CELF4: variants seen among roughly 807,000 people sequenced by gnomAD.
The protein encoded by CELF4 is CUG-BP- and ETR-3-like factor 4.
Under a neutral mutation model 59.9 loss-of-function variants are expected in CELF4, and 18 were observed. The ratio of observed to expected loss-of-function variants is 0.30; its 90% CI spans 0.21 to 0.45. The LOEUF (loss-of-function observed/expected upper bound fraction) is 0.45, where lower values mean the gene tolerates loss of function less well. Ranked by LOEUF, CELF4 falls within the 20% of genes least tolerant of loss-of-function variation. CELF4 has a pLI of 1.00. For synonymous variants in CELF4, 261 were observed against 267.1 expected (o/e 0.98, Z 0.22); for missense variants, 456 against 689.0 (o/e 0.66, Z 3.79).
At position 37,410,083 on chromosome 18, in the gene CELF4, C is replaced by T. The variant is rs1477813623; in HGVS notation, c.369+75442G>A. ...AGGTGTTGACTGGACTGAGCGGCTGCCACTCCCCGTGCCGATGTGTGTGAG... is the reference window on the plus strand; with the variant it reads ...AGGTGTTGACTGGACTGAGCGGCTGTCACTCCCCGTGCCGATGTGTGTGAG... On this transcript the variant is annotated intron_variant, in intron 2 of 12. Coordinates refer to ENST00000420428, the MANE Select transcript of CELF4 (RefSeq NM_020180.4). 2.0e-5 allele frequency among the ~76,000 whole-genome samples: 3 copies of T among 152,114 alleles called. No individual in the cohort carries two copies. The East Asian group carries it at 5.8e-4, about 29-fold the overall frequency.
At chr18:37,274,213 G>A in intron 6 of CELF4, 98 bp downstream of exon 6, 1 of 1,548,310 alleles carries the variant, frequency 6.5e-7, no homozygotes, top group Non-Finnish European at 8.7e-7. Context: ...GAGGGAGAGG[G>A]CAAGGGATAG....
intron 2 of CELF4, among the ~76,000 whole-genome samples, chr18:37,452,960 C>A (rs1252135555): frequency 6.6e-6 from 1 of 152,182 alleles, no homozygotes; most frequent in Non-Finnish European, 1.5e-5. Flanking sequence ...ATGCAAAAGT[C>A]TCCTCCAGCC....
In CELF4 at chr18:37,337,288, G is replaced by A. The variant is rs670216; in HGVS notation, c.370-15407C>T. On this transcript the variant is annotated intron_variant, in intron 2 of 12. Transcript: ENST00000420428. ...CTGGCGAGACCCACTGCCTCCCATG[G>A]TGAGCCTCACACCCTCCCCTTGAGA... 5.6e-3 allele frequency among the ~76,000 whole-genome samples: 847 copies of A among 152,248 alleles called. 6 individuals carry two copies. Among genetic ancestry groups the A allele is most frequent in the African/African-American group, 0.019 (779 of 41,550 alleles).
intron 1 of CELF4, 167 bp from the exon 2 acceptor site, chr18:37,485,774 T>C (rs1238452632): frequency 2.5e-6 from 1 of 392,720 alleles, no homozygotes; most frequent in Non-Finnish European, 4.5e-6. Flanking sequence ...TGCCTCTCGG[T>C]GTTCCCGGCT....
At chr18:37,302,746 G>A (rs1441732130) in intron 3 of CELF4, among the ~76,000 whole-genome samples, 1 of 152,228 alleles carries the variant, frequency 6.6e-6, no homozygotes, top group Non-Finnish European at 1.5e-5. Context: ...TGTTCTGAAA[G>A]TCAGACTTTC....
At position 37,557,531 on chromosome 18, in the gene CELF4, G is replaced by A. The variant is rs1424817606; in HGVS notation, c.286+7825C>T. 2.6e-5 allele frequency among the ~76,000 whole-genome samples: 4 copies of A among 152,182 alleles called. No homozygotes were observed. The East Asian group carries it at 7.7e-4, about 29-fold the overall frequency. On this transcript the variant is annotated intron_variant, in intron 1 of 12. Coordinates refer to ENST00000420428, the MANE Select transcript of CELF4 (RefSeq NM_020180.4). Reference sequence around the variant, plus strand: ...CAGCTGTGGAATAGTCTAATACATCGGGGCTTTGTTCAAAAGATGTGTTAA... The same window carrying A: ...CAGCTGTGGAATAGTCTAATACATCAGGGCTTTGTTCAAAAGATGTGTTAA...
intron 1 of CELF4, among the ~76,000 whole-genome samples, chr18:37,502,267 G>A (rs898300999): frequency 1.3e-5 from 2 of 152,084 alleles, no homozygotes; most frequent in African/African-American, 2.4e-5. Flanking sequence ...CCATGAAATC[G>A]GTGCTGAAGC....
chr18:37,328,458 C>T (rs1406464511), intron 2 of CELF4, among the ~76,000 whole-genome samples: 4 of 152,256 alleles, frequency 2.6e-5, no homozygotes, highest in South Asian at 2.1e-4. Flanking sequence ...CCTTTTGGGA[C>T]GTGTTGGAGC....
chr18:37,453,093 C>G (rs1262744242), intron 2 of CELF4, among the ~76,000 whole-genome samples: 1 of 152,270 alleles, frequency 6.6e-6, no homozygotes, highest in Non-Finnish European at 1.5e-5. Flanking sequence ...TGGCCTCTGC[C>G]TTGCTTCCGG....
chr18:37,298,178 C>T (rs1441676177), intron 3 of CELF4, among the ~76,000 whole-genome samples: 3 of 152,158 alleles, frequency 2.0e-5, no homozygotes, highest in Admixed American at 2.0e-4. Context: ...AGCCTTGGGG[C>T]CCAGGAATAT....
chr18:37,324,233 C>T (rs2097219618), intron 2 of CELF4, among the ~76,000 whole-genome samples: 1 of 152,106 alleles, frequency 6.6e-6, no homozygotes, highest in South Asian at 2.1e-4. Flanking sequence ...GAAGTGTGTC[C>T]CGCCAAAATT....
chr18:37,384,618 T>G (rs912739203), intron 2 of CELF4, among the ~76,000 whole-genome samples: 1 of 152,060 alleles, frequency 6.6e-6, no homozygotes, highest in Non-Finnish European at 1.5e-5. Context: ...GGAAAGGGAC[T>G]CTGCAGAAGC....
At position 37,310,951 on chromosome 18, in the gene CELF4, A is replaced by G. The variant is rs1377474227; in HGVS notation, c.448+10852T>C. Among the ~76,000 whole-genome samples the G allele has an allele frequency of 3.3e-5, 5 of 152,188 alleles. No homozygotes were observed. The East Asian group carries it at 9.6e-4, about 29-fold the overall frequency. Reference sequence around the variant, plus strand: ...CATGGGAGTGGCGATGGGATGGGACACGAGAAGGCCGTGGTGCCTTCTCTC... The same window carrying G: ...CATGGGAGTGGCGATGGGATGGGACGCGAGAAGGCCGTGGTGCCTTCTCTC... On this transcript the variant is annotated intron_variant, in intron 3 of 12. Coordinates refer to ENST00000420428, the MANE Select transcript of CELF4 (RefSeq NM_020180.4).
At chr18:37,540,452 C>T (rs1004757823) in intron 1 of CELF4, among the ~76,000 whole-genome samples, 3 of 152,192 alleles carry the variant, frequency 2.0e-5, no homozygotes, top group African/African-American at 7.2e-5. Context: ...GAGAAGTTCC[C>T]AAGGAGCTCT....
intron 2 of CELF4, among the ~76,000 whole-genome samples, chr18:37,470,890 C>CTGTGTG (rs2099820314): frequency 1.1e-5 from 1 of 94,934 alleles, no homozygotes; most frequent in African/African-American, 4.2e-5. Context: ...GTGTGTGTGA[C>CTGTGTG]AGAGAGAGAG....
At chr18:37,315,281 G>C (rs1662619195) in intron 3 of CELF4, among the ~76,000 whole-genome samples, 1 of 152,160 alleles carries the variant, frequency 6.6e-6, no homozygotes, top group South Asian at 2.1e-4. Context: ...CCACAGGACA[G>C]ACAGAGACAG....
At chr18:37,422,700 G>T (rs531749832) in intron 2 of CELF4, among the ~76,000 whole-genome samples, 1 of 152,304 alleles carries the variant, frequency 6.6e-6, no homozygotes, top group East Asian at 1.9e-4. Context: ...GAGAGCCCTG[G>T]GTTTAGGGCA....
chr18:37,481,397 G>C (rs2099866700), intron 2 of CELF4, among the ~76,000 whole-genome samples: 1 of 152,188 alleles, frequency 6.6e-6, no homozygotes, highest in African/African-American at 2.4e-5. Context: ...GCTGGCCACA[G>C]CTTGTCATAG....
intron 1 of CELF4, among the ~76,000 whole-genome samples, chr18:37,550,616 G>A (rs1788615331): frequency 6.6e-6 from 1 of 152,212 alleles, no homozygotes; most frequent in African/African-American, 2.4e-5. Context: ...TCTGTGATCC[G>A]CAGGCCCCAC....
Sources: allele counts gnomAD v4.1 joint callset (sites outside exome capture counted in the v4.1 genomes callset), GRCh38; gene constraint gnomAD v4.1.1; transcripts MANE v1.5; gene names NCBI Gene and HGNC (gene_info 2026-07-23, HGNC 2026-07-21).